SLC28A2: variants seen among roughly 807,000 people sequenced by gnomAD.
SLC28A2 encodes sodium/nucleoside cotransporter 2.
A neutral mutation model predicts 72.9 loss-of-function variants in SLC28A2; 69 were observed. That is an observed-to-expected ratio of 0.95 (90% CI 0.78 to 1.16). SLC28A2 has a LOEUF of 1.16. Ranked by LOEUF, SLC28A2 falls within the 50% of genes most tolerant of loss-of-function variation. The pLI is 0.00. For missense variants in SLC28A2, 745 were observed against 791.1 expected (o/e 0.94, Z 0.70); for synonymous variants, 296 against 294.1 (o/e 1.01, Z -0.07).
intron 3 of SLC28A2, among the ~76,000 whole-genome samples, chr15:45,256,244 A>G (rs1899974659): frequency 6.6e-6 from 1 of 152,160 alleles, no homozygotes. Flanking sequence ...TTCATTACCC[A>G]GGCTGGTCTT....
chr15:45,273,094 A>G (rs910615695), intron 17 of SLC28A2, among the ~76,000 whole-genome samples: 1 of 152,306 alleles, frequency 6.6e-6, no homozygotes, highest in African/African-American at 2.4e-5. Flanking sequence ...TGGGAGGCCA[A>G]AGTGGGAGGA....
At chr15:45,261,269 C>T (rs185727985) in intron 3 of SLC28A2, among the ~76,000 whole-genome samples, 32 of 152,332 alleles carry the variant, frequency 2.1e-4, no homozygotes, top group African/African-American at 7.2e-4. Context: ...TGGTTAAGAG[C>T]TCAGATGCTG....
At chr15:45,264,813 G>A (rs1313554126) in intron 7 of SLC28A2, 45 bp downstream of exon 7, 2 of 1,182,120 alleles carry the variant, frequency 1.7e-6, no homozygotes, top group Non-Finnish European at 2.5e-6. Flanking sequence ...TAGAACCCTA[G>A]AGAAAGGAGA....
chr15:45,265,186 C>G lies in SLC28A2; in HGVS notation c.780+20C>G, dbSNP rs1203070058. The G allele has an allele frequency of 6.8e-6, 10 of 1,480,874 alleles. No homozygotes were observed. Among genetic ancestry groups the G allele is most frequent in the Non-Finnish European group, 9.4e-6 (10 of 1,058,946 alleles). The allele number at this position is 1,480,874 out of a possible 1,614,324, so 91.7% of individuals were successfully genotyped here. ...TTTCAGGTGATACCTATTTTATGGG[C>G]AGGAATGATGGTCTATGGAGGGGTA... On this transcript the variant is annotated intron_variant, in intron 8 of 17. Transcript: ENST00000347644.
rs748740509 is a variant in SLC28A2 at position 45,267,735 on chromosome 15, G to T, written c.1138G>T (p.Ala380Ser). The T allele has an allele frequency of 9.9e-6, 16 of 1,614,000 alleles. No individual in the cohort carries two copies. The highest frequency in any genetic ancestry group is 1.6e-4 in the Middle Eastern group (1 of 6,084). Residue 380 changes from alanine (A) to serine (S), a missense_variant, in exon 12 of 18, where the codon GCG (alanine) becomes TCG (serine). Ala to Ser is a moderately conservative substitution (Grantham distance 99). Transcript: ENST00000347644. The part of the protein sequence containing the change: ...APCALASSKL[A>S]YPEVEESKFK... ...TTGTGCTCTCGCCTCATCAAAGCTA[G>T]CGTATCCGGAAGTGGAGGAGTCCAA...
At chr15:45,260,308 T>C (rs527454936) in intron 3 of SLC28A2, among the ~76,000 whole-genome samples, 1 of 152,180 alleles carries the variant, frequency 6.6e-6, no homozygotes, top group Non-Finnish European at 1.5e-5. Flanking sequence ...TGGGAGTACA[T>C]TGATGTAGTT....
Position 45,275,395 on chromosome 15 carries a change from G to A in SLC28A2, c.1860-1G>A, listed in dbSNP as rs1900722034. The stretch of plus-strand genomic sequence containing the variant: ...TGTACCTCTCTGGTTTTTCACTGCA[G>A]TACTTCTCTGAATGGCACCAACCCT... On this transcript the variant is annotated splice_acceptor_variant, in intron 17 of 17. Transcript: ENST00000347644. LOFTEE classifies it high-confidence loss of function. 6.3e-7 allele frequency: 1 copy of A among 1,591,746 alleles called. No individual in the cohort carries two copies. The highest frequency in any genetic ancestry group is 8.6e-7 in the Non-Finnish European group (1 of 1,159,852).
chr15:45,265,825 T>A (rs1017091247), intron 9 of SLC28A2, among the ~76,000 whole-genome samples, 162 bp downstream of exon 9: 11 of 152,116 alleles, frequency 7.2e-5, no homozygotes, highest in African/African-American at 2.4e-4. Flanking sequence ...AGGCCCTAGG[T>A]AGGCTGAGGG....
Position 45,267,501 on chromosome 15 carries a change from T to C in SLC28A2, c.989T>C (p.Leu330Pro). Residue 330 changes from leucine to proline, a missense_variant, in exon 11 of 18, where the codon CTC (leucine) becomes CCC (proline). Transcript: ENST00000347644. ...CGTCCCTACCTTGGGGACATGACAC[T>C]CTCTGAAATCCATGCGGTGATGACT... is the stretch of plus-strand genomic sequence containing the variant. ...LIRPYLGDMTLSEIHAVMTGG... is the reference protein window; with the variant it reads ...LIRPYLGDMTPSEIHAVMTGG... The C allele has an allele frequency of 6.2e-7, 1 of 1,614,122 alleles. No homozygotes were observed. The highest frequency in any genetic ancestry group is 8.5e-7 in the Non-Finnish European group (1 of 1,180,016).
intron 5 of SLC28A2, among the ~76,000 whole-genome samples, 173 bp downstream of exon 5, chr15:45,263,417 G>A (rs970496025): frequency 2.0e-5 from 3 of 152,140 alleles, no homozygotes; most frequent in Non-Finnish European, 4.4e-5. Flanking sequence ...CCAGATTCTT[G>A]TAGCCTTGGG....
chr15:45,266,138 G>A lies in SLC28A2; in HGVS notation c.919G>A (p.Ala307Thr). Reference protein sequence around the residue: ...GTTATETLAVAGNIFVGMTEA... With the variant: ...GTTATETLAVTGNIFVGMTEA... Reference sequence around the variant, plus strand: ...CACTGCTACAGAGACCCTGGCTGTGGCAGGAAACATCTTTGTGGGTATGGT... The same window carrying A: ...CACTGCTACAGAGACCCTGGCTGTGACAGGAAACATCTTTGTGGGTATGGT... Residue 307 changes from alanine to threonine, a missense_variant, in exon 10 of 18, where the codon GCA becomes ACA. Physicochemically the swap from Ala to Thr is moderately conservative, Grantham distance 58. Coordinates refer to ENST00000347644, the MANE Select transcript of SLC28A2 (RefSeq NM_004212.4). The A allele has an allele frequency of 1.9e-6, 3 of 1,613,672 alleles. No individual in the cohort carries two copies. The highest frequency in any genetic ancestry group is 1.7e-6 in the Non-Finnish European group (2 of 1,179,554).
chr15:45,268,886 A>G (rs1299835545), intron 13 of SLC28A2, among the ~76,000 whole-genome samples: 1 of 152,024 alleles, frequency 6.6e-6, no homozygotes, highest in East Asian at 1.9e-4. Context: ...ATGAAATTGG[A>G]AATCATCATT....
rs1299910824 is a variant in SLC28A2, at chr15:45,276,241, A to G, written c.*728A>G. 3 of 152,122 alleles carry G rather than the reference A, an allele frequency of 2.0e-5. No homozygotes were observed. In the East Asian group the frequency reaches 5.8e-4, roughly 29 times the overall value. The allele number at this position is 152,122 out of a possible 1,614,324, so 9.4% of individuals were successfully genotyped here. A position where few individuals can be genotyped will look rare whatever the true frequency, so the allele number is the denominator to read the frequency against. On this transcript the variant is annotated 3_prime_UTR_variant, in exon 18 of 18. Transcript: ENST00000347644. ...AAACTATCGCAAGGACAAAAAACCA[A>G]ACACCACATGTTCTCACTCATAGAT...
rs745982779 is a variant in SLC28A2 at position 45,265,612 on chromosome 15, T to C, written c.810T>C (p.Cys270=). The C allele has an allele frequency of 8.7e-6, 14 of 1,613,538 alleles. No homozygotes were observed. Among genetic ancestry groups the C allele is most frequent in the Non-Finnish European group, 1.2e-5 (14 of 1,179,584 alleles). The change falls in exon 9 of 18, where the codon TGT becomes TGC. Residue 270 remains cysteine (C), a synonymous_variant. Transcript: ENST00000347644. ...QALPIIIFFG[C]VVSILYYLGL... is the part of the protein sequence containing the mutation. ...TACCAATCATCATTTTCTTTGGATG[T>C]GTGGTGTCCATTCTCTACTACCTGG...
intron 4 of SLC28A2, among the ~76,000 whole-genome samples, 174 bp downstream of exon 4, chr15:45,262,280 TAGGAAC>T (rs1900186028): frequency 6.6e-6 from 1 of 152,244 alleles, no homozygotes; most frequent in African/African-American, 2.4e-5. Flanking sequence ...ATTGCACTTG[TAGGAAC>T]AAGTGAAATC....
At chr15:45,269,608 C>T in intron 14 of SLC28A2, 73 bp downstream of exon 14, 7 of 1,371,918 alleles carry the variant, frequency 5.1e-6, no homozygotes, top group Non-Finnish European at 7.2e-6. Context: ...ACAGAAAGTG[C>T]CAAACAGGTT....
intron 13 of SLC28A2, among the ~76,000 whole-genome samples, chr15:45,268,722 G>A (rs1900428394): frequency 1.3e-5 from 2 of 152,088 alleles, no homozygotes; most frequent in Admixed American, 6.5e-5. Context: ...GCACACGTAT[G>A]TTTATTGCGG....
chr15:45,265,873 C>T (rs1181448010), intron 9 of SLC28A2, among the ~76,000 whole-genome samples: 1 of 152,130 alleles, frequency 6.6e-6, no homozygotes, highest in African/African-American at 2.4e-5. Flanking sequence ...GCCTTTGATA[C>T]TGAGTTTTAA....
intron 15 of SLC28A2, 112 bp from the exon 16 acceptor site, chr15:45,272,183 T>C: frequency 1.3e-6 from 1 of 767,804 alleles, no homozygotes; most frequent in Non-Finnish European, 2.2e-6. Flanking sequence ...ATAAGGATGC[T>C]CTTCATCGGC....
Sources: gnomAD v4.1 joint callset for allele counts (sites outside exome capture counted in the v4.1 genomes callset) on GRCh38, gnomAD v4.1.1 for gene constraint, MANE v1.5 for transcripts, NCBI Gene and HGNC (gene_info 2026-07-23, HGNC 2026-07-21) for gene names.